SUSD1: variants seen among roughly 807,000 people sequenced by gnomAD.
SUSD1 encodes the protein sushi domain containing 1.
SUSD1 carries 65 observed loss-of-function variants against 86.9 expected under a neutral mutation model. The ratio of observed to expected loss-of-function variants is 0.75; its 90% confidence interval spans 0.61 to 0.92. SUSD1 has a LOEUF of 0.92. Among genes scored for constraint, SUSD1 ranks in the 40% least tolerant of loss-of-function variants. SUSD1 has a pLI of 0.00. For missense variants in SUSD1, 850 were observed against 929.7 expected, an observed-to-expected ratio of 0.91 and a Z score of 1.11; for synonymous variants, 346 against 350.0, an observed-to-expected ratio of 0.99 and a Z score of 0.13.
chr9:112,098,905 AT>A (rs1373547336), intron 9 of SUSD1, among the ~76,000 whole-genome samples: 2 of 152,246 alleles, frequency 1.3e-5, no homozygotes, highest in African/African-American at 2.4e-5. Context: ...GATGAAGAAA[AT>A]ATTAGTCTAT....
At position 112,128,373 on chromosome 9, in the gene SUSD1, C is replaced by T. The variant is rs1048746005; in HGVS notation, c.707-3937G>A. 8.6e-5 allele frequency among the ~76,000 whole-genome samples: 13 copies of T among 151,464 alleles called. No individual in the cohort carries two copies. The East Asian group carries it at 2.1e-3, about 25-fold the overall frequency. ...CCTCCCAAAGTGCTAGGATTATAGG[C>T]GTGAGCCACCATGCCCGGCCTACAA... On this transcript the variant is annotated intron_variant, in intron 5 of 16. Coordinates refer to ENST00000374270, the MANE Select transcript of SUSD1 (RefSeq NM_022486.5).
At chr9:112,061,605 T>C (rs777881844) in intron 13 of SUSD1, among the ~76,000 whole-genome samples, 1 of 152,238 alleles carries the variant, frequency 6.6e-6, no homozygotes, top group Non-Finnish European at 1.5e-5. Flanking sequence ...TCACAACTTC[T>C]GTTCTCTTTA....
chr9:112,088,285 T>C (rs79485158), intron 10 of SUSD1, among the ~76,000 whole-genome samples: 281 of 152,350 alleles, frequency 1.8e-3, no homozygotes, highest in Middle Eastern at 3.4e-3. Context: ...GCATTTGCTG[T>C]ATTCAATTGT....
chr9:112,066,282 C>T (rs1828975508), intron 12 of SUSD1, among the ~76,000 whole-genome samples: 1 of 152,068 alleles, frequency 6.6e-6, no homozygotes, highest in African/African-American at 2.4e-5. Flanking sequence ...GGGTGTCAAA[C>T]ACCAAGGATC....
intron 1 of SUSD1, among the ~76,000 whole-genome samples, chr9:112,165,942 G>GAAGAAACAAAGA (rs1833794595): frequency 1.4e-5 from 1 of 71,912 alleles, no homozygotes; most frequent in Non-Finnish European, 2.7e-5. Flanking sequence ...AAGAAAGAAA[G>GAAGAAACAAAGA]AAGAAAGAAA....
At chr9:112,118,626 A>G (rs1041965467) in intron 6 of SUSD1, among the ~76,000 whole-genome samples, 1 of 152,150 alleles carries the variant, frequency 6.6e-6, no homozygotes, top group Non-Finnish European at 1.5e-5. Context: ...CTGGGACTAC[A>G]GACGCGTGCC....
chr9:112,093,417 G>A (rs554860360), intron 10 of SUSD1, among the ~76,000 whole-genome samples: 108 of 152,290 alleles, frequency 7.1e-4, no homozygotes, highest in African/African-American at 2.1e-3. Flanking sequence ...GTCTGTCACC[G>A]CCCTTTCCTC....
At position 112,077,351 on chromosome 9, in the gene SUSD1, C is replaced by A. The variant is rs140717019; in HGVS notation, c.1753+1187G>T. Among the ~76,000 whole-genome samples, 608 of 152,012 alleles carry A rather than the reference C, an allele frequency of 4.0e-3. 6 individuals are homozygous for A. Among genetic ancestry groups the A allele is most frequent in the African/African-American group, 0.014 (572 of 41,430 alleles). On this transcript the variant is annotated intron_variant, in intron 12 of 16. Transcript: ENST00000374270. The stretch of plus-strand genomic sequence containing the variant: ...TCTAATTTCTCAGTGAAATAAGAAT[C>A]AAGAAGCTAATATGCTTAGTATTTG...
intron 10 of SUSD1, among the ~76,000 whole-genome samples, chr9:112,084,228 A>G (rs528981367): frequency 1.3e-5 from 2 of 152,330 alleles, no homozygotes; most frequent in South Asian, 4.1e-4. Flanking sequence ...AAAACTTGAA[A>G]GGGAAAAAAA....
At chr9:112,103,631 C>T (rs190007614) in intron 8 of SUSD1, among the ~76,000 whole-genome samples, 14 of 152,250 alleles carry the variant, frequency 9.2e-5, no homozygotes, top group East Asian at 3.9e-4. Flanking sequence ...CCACTTCCCA[C>T]GCCCAAGCCT....
rs138535427 is a variant in SUSD1, at chr9:112,055,243, T to C, written c.2110-2805A>G. On this transcript the variant is annotated intron_variant, in intron 14 of 16. Coordinates refer to ENST00000374270, the MANE Select transcript of SUSD1 (RefSeq NM_022486.5). ...GAGTTCAAGACCATCCTGGGAAACA[T>C]GGCAAAATCCTGTCTCTATGAAAAA... Among the ~76,000 whole-genome samples, 166 of 152,194 alleles carry C rather than the reference T, an allele frequency of 1.1e-3. 1 individual carries two copies. In the Middle Eastern group the frequency reaches 0.02, roughly 19 times the overall value.
intron 6 of SUSD1, 120 bp downstream of exon 6, chr9:112,124,137 G>A: frequency 2.1e-6 from 2 of 960,334 alleles, no homozygotes; most frequent in Non-Finnish European, 3.0e-6. Context: ...TGCACAACCA[G>A]GTAAATAGCC....
At chr9:112,077,047 A>G (rs7859231) in intron 12 of SUSD1, among the ~76,000 whole-genome samples, 40,727 of 152,068 alleles carry the variant, frequency 0.27, 6,084 homozygotes, top group African/African-American at 0.41. Context: ...AGAAAGGGGC[A>G]GAGAGAAGGC....
intron 1 of SUSD1, among the ~76,000 whole-genome samples, chr9:112,162,978 C>A (rs538321523): frequency 6.6e-6 from 1 of 152,306 alleles, no homozygotes; most frequent in South Asian, 2.1e-4. Flanking sequence ...CAGTGTTTCC[C>A]AGTGGCCACC....
At chr9:112,135,784 G>A (rs1337790607) in intron 5 of SUSD1, among the ~76,000 whole-genome samples, 1 of 152,170 alleles carries the variant, frequency 6.6e-6, no homozygotes, top group African/African-American at 2.4e-5. Context: ...CCGTGACATT[G>A]AGCCACACCT....
intron 1 of SUSD1, among the ~76,000 whole-genome samples, chr9:112,164,772 A>G (rs700111): frequency 0.72 from 109,409 of 151,932 alleles, 40,646 homozygotes; most frequent in African/African-American, 0.92. Context: ...GTGAAACCCC[A>G]TCTCTACTAA....
chr9:112,100,068 G>C (rs1830564293), intron 9 of SUSD1, among the ~76,000 whole-genome samples: 1 of 152,178 alleles, frequency 6.6e-6, no homozygotes, highest in South Asian at 2.1e-4. Flanking sequence ...GGCATAATGT[G>C]TTCATGCGTG....
chr9:112,115,896 C>A (rs1423578973), intron 6 of SUSD1, among the ~76,000 whole-genome samples: 5 of 151,156 alleles, frequency 3.3e-5, no homozygotes, highest in Admixed American at 1.3e-4. Context: ...CTTCAGTTCG[C>A]CCCCTTGGGT....
rs552138042 is a variant in SUSD1 at position 112,076,748 on chromosome 9, G to C, written c.1753+1790C>G. On this transcript the variant is annotated intron_variant, in intron 12 of 16. Transcript: ENST00000374270. ...AATGAAGAAAAGGAGGCTGAAGAGG[G>C]GTCATAAAAGTAGATGGAGCTAGCA... 2.0e-5 allele frequency among the ~76,000 whole-genome samples: 3 copies of C among 152,200 alleles called. No homozygotes were observed. The East Asian group carries it at 5.8e-4, about 29-fold the overall frequency.
Sources: gnomAD v4.1 joint callset for allele counts (sites outside exome capture counted in the v4.1 genomes callset) on GRCh38, gnomAD v4.1.1 for gene constraint, MANE v1.5 for transcripts, NCBI Gene and HGNC (gene_info 2026-07-23, HGNC 2026-07-21) for gene names.